ZNF180: variants seen among roughly 807,000 people sequenced by gnomAD.
ZNF180 encodes zinc finger protein 180, also known as zinc finger protein 180 (HHZ168).
Under a neutral mutation model 11.8 loss-of-function variants are expected in ZNF180, and 11 were observed. The ratio of observed to expected loss-of-function variants is 0.93; its 90% CI spans 0.59 to 1.55. The LOEUF is 1.55. Ranked by LOEUF, ZNF180 falls within the 40% of genes most tolerant of loss-of-function variation. ZNF180 has a pLI of 0.00. For synonymous variants in ZNF180, 287 were observed against 257.7 expected, an observed-to-expected ratio of 1.11 and a Z score of -1.09; for missense variants, 773 against 781.7, an observed-to-expected ratio of 0.99 and a Z score of 0.13.
chr19:44,483,290 G>A (rs573198654), intron 3 of ZNF180, among the ~76,000 whole-genome samples: 5 of 151,896 alleles, frequency 3.3e-5, no homozygotes, highest in Admixed American at 6.6e-5. Flanking sequence ...TCTACTTGAC[G>A]TATTTTTAAA....
intron 2 of ZNF180, among the ~76,000 whole-genome samples, chr19:44,488,773 A>G (rs927938295): frequency 1.3e-5 from 2 of 151,258 alleles, no homozygotes; most frequent in African/African-American, 4.9e-5. Context: ...CAGTCTGGAA[A>G]GTGAGGAGCG....
At chr19:44,489,906 AAAAGAAAAAG>A (rs1386389090) in intron 2 of ZNF180, among the ~76,000 whole-genome samples, 2 of 106,778 alleles carry the variant, frequency 1.9e-5, no homozygotes, top group Non-Finnish European at 4.3e-5. Context: ...AGAAAGAGAG[AAAAGAAAAAG>A]AAAGAAAGAG....
At chr19:44,497,206 G>C (rs1970611260) in intron 2 of ZNF180, 78 bp downstream of exon 2, 1 of 1,325,432 alleles carries the variant, frequency 7.5e-7, no homozygotes, top group Non-Finnish European at 1.0e-6. Flanking sequence ...GCTGCAAAGA[G>C]AGTCAGGGAG....
rs952197249 is a variant in ZNF180 at position 44,489,071 on chromosome 19, G to A, written c.52-4636C>T. Among the ~76,000 whole-genome samples the A allele has an allele frequency of 5.0e-3, 655 of 130,466 alleles. 8 individuals carry two copies. The highest frequency in any genetic ancestry group is 0.017 in the African/African-American group (630 of 37,384). 85.6% of individuals were successfully genotyped at this position (130,466 alleles called of 152,430 possible). ...GGGAGGGAGGTGGGGGTCAGCCCCC[G>A]CCCGGCCAGCCGCCCCGTCCGGGAG... On this transcript the variant is annotated intron_variant, in intron 2 of 4. Coordinates refer to ENST00000592529, the MANE Select transcript of ZNF180 (RefSeq NM_001278509.3).
Position 44,484,382 on chromosome 19 carries a change from C to T in ZNF180, c.105G>A (p.Gly35=). 1.2e-6 allele frequency: 2 copies of T among 1,613,904 alleles called. No individual in the cohort carries two copies. Among genetic ancestry groups the T allele is most frequent in the Non-Finnish European group, 1.7e-6 (2 of 1,179,818 alleles). Residue 35 remains glycine (G), a synonymous_variant, in exon 3 of 5, where the codon GGG becomes GGA. Transcript: ENST00000592529. The part of the protein sequence containing the change: ...IIIKVEGEDT[G]SLTIPSQEGV... ...CTACCTGAGATGGGATGGTCAGAGA[C>T]CCAGTGTCTTCTCCCTCGACTTTGA... is the stretch of plus-strand genomic sequence containing the variant.
intron 4 of ZNF180, among the ~76,000 whole-genome samples, chr19:44,478,678 A>G (rs1040089653): frequency 1.3e-5 from 2 of 152,254 alleles, no homozygotes; most frequent in African/African-American, 4.8e-5. Context: ...TTAGGAACCA[A>G]TAAAGCCCCA....
At chr19:44,498,787 C>T (rs765739080) in intron 1 of ZNF180, among the ~76,000 whole-genome samples, 7 of 152,182 alleles carry the variant, frequency 4.6e-5, no homozygotes, top group Non-Finnish European at 1.0e-4. Flanking sequence ...CAAATGCCAG[C>T]ACACGTGCAG....
Position 44,495,901 on chromosome 19 carries a change from GC to G in ZNF180, c.51+1382del, listed in dbSNP as rs1195729894. On this transcript the variant is annotated intron_variant, in intron 2 of 4. Transcript: ENST00000592529. The surrounding 1 kb of genome is among the most constrained non-coding windows in gnomAD (Gnocchi z 4.5). ...ACAACTGTAGGTGCCCCCTAACACT[GC>G]CCCACCTCACGGCTTCAAGGCTGAC... is the stretch of plus-strand genomic sequence containing the variant. Among the ~76,000 whole-genome samples, 1 of 152,166 alleles carries G rather than the reference GC, an allele frequency of 6.6e-6. No homozygotes were observed. The highest frequency in any genetic ancestry group is 1.9e-4 in the East Asian group (1 of 5,192).
intron 2 of ZNF180, among the ~76,000 whole-genome samples, chr19:44,486,875 T>C (rs892402941): frequency 1.3e-5 from 2 of 152,092 alleles, no homozygotes; most frequent in African/African-American, 4.8e-5. Context: ...ACCCCATCTC[T>C]ACTAAAAATA....
intron 2 of ZNF180, among the ~76,000 whole-genome samples, chr19:44,494,028 T>G (rs1470030466): frequency 6.6e-6 from 1 of 152,162 alleles, no homozygotes; most frequent in Non-Finnish European, 1.5e-5. Context: ...AAATAAACAT[T>G]GGCTATTTTA....
At chr19:44,490,099 C>T (rs60890488) in intron 2 of ZNF180, among the ~76,000 whole-genome samples, 580 of 31,250 alleles carry the variant, frequency 0.019, 5 homozygotes, top group Middle Eastern at 0.05. Context: ...AGGGAAAGAG[C>T]GAAAGGAAGG....
chr19:44,486,163 A>C (rs1970223013), intron 2 of ZNF180, among the ~76,000 whole-genome samples: 1 of 152,012 alleles, frequency 6.6e-6, no homozygotes, highest in Non-Finnish European at 1.5e-5. Flanking sequence ...AAATAATAGA[A>C]AGATGTCTAT....
intron 4 of ZNF180, among the ~76,000 whole-genome samples, chr19:44,478,581 C>T (rs1343440484): frequency 6.6e-6 from 1 of 152,196 alleles, no homozygotes; most frequent in Non-Finnish European, 1.5e-5. Context: ...GCTAAATACT[C>T]TACTCTGTGT....
In ZNF180 at chr19:44,474,755, C is replaced by G. The variant is rs1163241560; in HGVS notation, c.*1647G>C. ...GTAAGACTAGGCCTGGAGCCTGGAA[C>G]ACATCCTTCCCAAGAGATACTGAAC... On this transcript the variant is annotated 3_prime_UTR_variant, in exon 5 of 5. Transcript: ENST00000592529. 2 of 152,228 alleles carry G rather than the reference C, an allele frequency of 1.3e-5. No homozygotes were observed. The highest frequency in any genetic ancestry group is 4.8e-5 in the African/African-American group (2 of 41,444). 9.4% of individuals were successfully genotyped at this position (152,228 alleles called of 1,614,324 possible). A position where few individuals can be genotyped will look rare whatever the true frequency, so the allele number is the denominator to read the frequency against.
chr19:44,500,166 GCA>G, intron 1 of ZNF180, 107 bp downstream of exon 1: 1 of 1,613,980 alleles, frequency 6.2e-7, no homozygotes, highest in East Asian at 2.2e-5. Context: ...AGCGCCACCC[GCA>G]CAGATACCAG....
chr19:44,488,255 CTCCCTCTCTTTCCACGGTCTCCCT>C (rs1970299285), intron 2 of ZNF180, among the ~76,000 whole-genome samples: 1 of 137,596 alleles, frequency 7.3e-6, no homozygotes, highest in African/African-American at 2.7e-5. Context: ...CGGTCTCCCT[CTCCCTCTCTTTCCACGGTCTCCCT>C]CTCCCTCTCT....
At chr19:44,488,088 ACGG>A (rs1970282567) in intron 2 of ZNF180, among the ~76,000 whole-genome samples, 3 of 58,010 alleles carry the variant, frequency 5.2e-5, no homozygotes, top group African/African-American at 9.9e-5. Context: ...CCCTCTCCCC[ACGG>A]TCTCCCTCTC....
At position 44,477,699 on chromosome 19, in the gene ZNF180, A is replaced by G. The variant is rs770765352; in HGVS notation, c.701T>C (p.Ile234Thr). 1 of 1,614,026 alleles carries G rather than the reference A, an allele frequency of 6.2e-7. No individual in the cohort carries two copies. The highest frequency in any genetic ancestry group is 8.5e-7 in the Non-Finnish European group (1 of 1,179,952). The change falls in exon 5 of 5, where the codon ATT becomes ACT. Residue 234 changes from isoleucine to threonine, a missense_variant. By Grantham distance (89) the Ile-to-Thr change is moderately conservative. Coordinates refer to ENST00000592529, the MANE Select transcript of ZNF180 (RefSeq NM_001278509.3). ...TTTTGTTTGAGTTCTTGTAAACTGA[A>G]TAAGGTGAATGCTCTGAGGGGGTTT... ...CGKPPQSIHLIQFTRTQTKDK... is the reference protein window; with the variant it reads ...CGKPPQSIHLTQFTRTQTKDK...
intron 3 of ZNF180, among the ~76,000 whole-genome samples, chr19:44,481,681 G>C (rs191320792): frequency 1.4e-4 from 21 of 152,276 alleles, no homozygotes; most frequent in African/African-American, 5.1e-4. Context: ...TTTACAGTTT[G>C]CAAATGTAAC....
Sources: allele counts gnomAD v4.1 joint callset (sites outside exome capture counted in the v4.1 genomes callset), GRCh38; gene constraint gnomAD v4.1.1; non-coding constraint Gnocchi (gnomAD v3.1); transcripts MANE v1.5; gene names NCBI Gene and HGNC (gene_info 2026-07-23, HGNC 2026-07-21).